Variants in CDH10 observed in about 807,000 individuals in gnomAD.
CDH10 encodes the protein cadherin 10, also known as cadherin-10.
In CDH10, 30 loss-of-function variants were observed where a neutral mutation model predicts 73.1. The observed-to-expected ratio is 0.41, with a 90% confidence interval of 0.31 to 0.56. The LOEUF (loss-of-function observed/expected upper bound fraction) is 0.56, where lower values mean the gene tolerates loss of function less well. Among genes scored for constraint, CDH10 ranks in the 20% least tolerant of loss-of-function variants. CDH10 has a pLI of 0.27. For missense variants in CDH10, 815 were observed against 973.7 expected (o/e 0.84, Z 2.17); for synonymous variants, 345 against 348.2 (o/e 0.99, Z 0.10).
intron 1 of CDH10, among the ~76,000 whole-genome samples, chr5:24,639,877 A>C (rs1299074947): frequency 6.6e-6 from 1 of 151,790 alleles, no homozygotes; most frequent in Non-Finnish European, 1.5e-5. Context: ...ATGTCTGTAC[A>C]TTCTACATTC....
In CDH10 at chr5:24,537,253, T is replaced by C. The variant is rs1743989370; in HGVS notation, c.526+127A>G. 7 of 604,384 alleles carry C rather than the reference T, an allele frequency of 1.2e-5. No individual in the cohort carries two copies. The South Asian group carries it at 1.9e-4, about 16-fold the overall frequency. 37.4% of individuals were successfully genotyped at this position (604,384 alleles called of 1,614,324 possible). ...TCTGATTGTCTCCTAAAAGAAAAAA[T>C]AAATAAATATGTACTCATGGTAGCA... On this transcript the variant is annotated intron_variant, in intron 3 of 11. Coordinates refer to ENST00000264463, the MANE Select transcript of CDH10 (RefSeq NM_006727.5).
rs367698084 is a variant in CDH10, at chr5:24,511,309, T to A, written c.1002+18A>T. On this transcript the variant is annotated intron_variant, in intron 6 of 11. Coordinates refer to ENST00000264463, the MANE Select transcript of CDH10 (RefSeq NM_006727.5). Reference sequence around the variant, plus strand: ...CTCCTGAAACACACAGATGCTTATTTATATGGATGCTGTGCACCTTTTTCA... The same window carrying A: ...CTCCTGAAACACACAGATGCTTATTAATATGGATGCTGTGCACCTTTTTCA... The A allele has an allele frequency of 4.6e-5, 71 of 1,532,328 alleles. No individual in the cohort carries two copies. Among genetic ancestry groups the A allele is most frequent in the Admixed American group, 6.8e-5 (4 of 59,040 alleles). 94.9% of individuals were successfully genotyped at this position (1,532,328 alleles called of 1,614,324 possible).
rs1185825881 is a variant in CDH10 at position 24,511,432 on chromosome 5, C to T, written c.897G>A (p.Gly299=). Residue 299 remains glycine, a synonymous_variant, in exon 6 of 12, where the codon GGG becomes GGA. Coordinates refer to ENST00000264463, the MANE Select transcript of CDH10 (RefSeq NM_006727.5). ...TTCGGTATTCTACTTCAGCATTTTT[C>T]CCAGTGTCAGCATCAGTTGCTTTGA... ...GSVKATDADT[G]KNAEVEYRII... The T allele has an allele frequency of 1.2e-6, 2 of 1,611,024 alleles. No homozygotes were observed. The highest frequency in any genetic ancestry group is 2.7e-5 in the African/African-American group (2 of 74,816).
intron 1 of CDH10, among the ~76,000 whole-genome samples, chr5:24,601,840 C>T (rs1053238445): frequency 6.6e-6 from 1 of 151,982 alleles, no homozygotes; most frequent in Non-Finnish European, 1.5e-5. Context: ...AAAGTGTGGA[C>T]ACATTAAGTG....
chr5:24,537,051 T>C (rs1391180701), intron 3 of CDH10, among the ~76,000 whole-genome samples: 1 of 151,954 alleles, frequency 6.6e-6, no homozygotes, highest in Non-Finnish European at 1.5e-5. Context: ...TATATTATAT[T>C]TGGGATCAGA....
At position 24,606,567 on chromosome 5, in the gene CDH10, C is replaced by T. The variant is rs190132174; in HGVS notation, c.-123-12954G>A. 2.0e-3 allele frequency among the ~76,000 whole-genome samples: 311 copies of T among 152,212 alleles called. 2 individuals carry two copies. Among genetic ancestry groups the T allele is most frequent in the African/African-American group, 6.9e-3 (286 of 41,526 alleles). On this transcript the variant is annotated intron_variant, in intron 1 of 11. Transcript: ENST00000264463. Reference sequence around the variant, plus strand: ...TGGAGGTTGCAGTGAGCCGAGATCACACCACTGCACTCCAGCCTGGGTGAC... The same window carrying T: ...TGGAGGTTGCAGTGAGCCGAGATCATACCACTGCACTCCAGCCTGGGTGAC...
rs888691543 is a variant in CDH10, at chr5:24,514,692, G to T, written c.815-3178C>A. ...TGTTAAGTGTTTAATTTCATTTGGT[G>T]TATAAAGTCTTATAAAATTTGATTT... On this transcript the variant is annotated intron_variant, in intron 5 of 11. Transcript: ENST00000264463. 7.9e-5 allele frequency among the ~76,000 whole-genome samples: 12 copies of T among 152,188 alleles called. No individual in the cohort carries two copies. The East Asian group carries it at 2.3e-3, about 29-fold the overall frequency.
intron 2 of CDH10, among the ~76,000 whole-genome samples, chr5:24,566,153 A>T (rs557352787): frequency 6.6e-6 from 1 of 152,188 alleles, no homozygotes; most frequent in East Asian, 1.9e-4. Flanking sequence ...GGTTAAAGCC[A>T]TTCTCATGCC....
intron 2 of CDH10, among the ~76,000 whole-genome samples, chr5:24,581,487 T>C (rs1745797047): frequency 1.3e-5 from 2 of 152,184 alleles, no homozygotes; most frequent in East Asian, 1.9e-4. Flanking sequence ...AAGAATAATA[T>C]GTCTCACATT....
At chr5:24,554,757 T>G (rs1168904395) in intron 2 of CDH10, among the ~76,000 whole-genome samples, 1 of 152,148 alleles carries the variant, frequency 6.6e-6, no homozygotes, top group Admixed American at 6.5e-5. Context: ...CTTGTGGTTT[T>G]AAAATCTCAT....
intron 5 of CDH10, among the ~76,000 whole-genome samples, chr5:24,513,163 C>T (rs1320025256): frequency 6.6e-6 from 1 of 151,830 alleles, no homozygotes; most frequent in Non-Finnish European, 1.5e-5. Flanking sequence ...GGACTATAGG[C>T]ACCTGCCACC....
Position 24,535,570 on chromosome 5 carries a change from T to C in CDH10, c.646+133A>G, listed in dbSNP as rs1743921030. ...TATCATTTAACTTTGAGTTCTTATA[T>C]CTTTAAGTGTTGTGTCTTCACTCAT... On this transcript the variant is annotated intron_variant, in intron 4 of 11. Transcript: ENST00000264463. 6.2e-6 allele frequency: 5 copies of C among 810,110 alleles called. No individual in the cohort carries two copies. In the Admixed American group the frequency reaches 1.1e-4, roughly 17 times the overall value. The allele number at this position is 810,110 out of a possible 1,614,324, so 50.2% of individuals were successfully genotyped here. A position where few individuals can be genotyped will look rare whatever the true frequency, so the allele number is the denominator to read the frequency against.
At chr5:24,510,651 C>T (rs1467645638) in intron 6 of CDH10, among the ~76,000 whole-genome samples, 3 of 152,162 alleles carry the variant, frequency 2.0e-5, no homozygotes, top group African/African-American at 4.8e-5. Flanking sequence ...TGGTTTTGTA[C>T]TTTGTACCTT....
intron 2 of CDH10, among the ~76,000 whole-genome samples, chr5:24,550,304 A>G (rs1368931884): frequency 6.6e-6 from 1 of 152,174 alleles, no homozygotes; most frequent in East Asian, 1.9e-4. Context: ...ACCATCTTTC[A>G]TGTCTTTCCA....
chr5:24,504,521 T>TTTTTTTTTTAAGA (rs1742618193), intron 8 of CDH10, among the ~76,000 whole-genome samples: 1 of 117,826 alleles, frequency 8.5e-6, no homozygotes, highest in Non-Finnish European at 1.8e-5. Flanking sequence ...TTTTTTTTTT[T>TTTTTTTTTTAAGA]TTTTTTTTTT....
intron 2 of CDH10, among the ~76,000 whole-genome samples, chr5:24,561,773 A>C (rs1744967471): frequency 6.6e-6 from 1 of 152,206 alleles, no homozygotes; most frequent in African/African-American, 2.4e-5. Flanking sequence ...GAAATCCTGA[A>C]GAAGCTCAAG....
intron 5 of CDH10, among the ~76,000 whole-genome samples, chr5:24,522,569 T>C (rs1435785008): frequency 6.6e-6 from 1 of 152,164 alleles, no homozygotes; most frequent in African/African-American, 2.4e-5. Context: ...AGCCAGCCTG[T>C]GCTGGAACCA....
intron 2 of CDH10, among the ~76,000 whole-genome samples, chr5:24,574,009 C>A (rs187276732): frequency 6.6e-6 from 1 of 151,516 alleles, no homozygotes; most frequent in Non-Finnish European, 1.5e-5. Flanking sequence ...CTCAACCTCC[C>A]GAGTAGCTGG....
Position 24,542,412 on chromosome 5 carries a change from AT to A in CDH10, c.232-4739del, listed in dbSNP as rs553464267. 5.8e-3 allele frequency among the ~76,000 whole-genome samples: 878 copies of A among 152,238 alleles called. 8 individuals carry two copies. Among genetic ancestry groups the A allele is most frequent in the African/African-American group, 0.02 (850 of 41,540 alleles). ...TTATAATACTGTATTTTTATTGTATATTTTCTATGTTTAGATATACGAAGAC... is the reference window on the plus strand; with the variant it reads ...TTATAATACTGTATTTTTATTGTATATTTCTATGTTTAGATATACGAAGAC... On this transcript the variant is annotated intron_variant, in intron 2 of 11. Coordinates refer to ENST00000264463, the MANE Select transcript of CDH10 (RefSeq NM_006727.5).
Sources: gnomAD v4.1 joint callset for allele counts (sites outside exome capture counted in the v4.1 genomes callset) on GRCh38, gnomAD v4.1.1 for gene constraint, MANE v1.5 for transcripts, NCBI Gene and HGNC (gene_info 2026-07-23, HGNC 2026-07-21) for gene names.